MYH3: variants seen among roughly 807,000 people sequenced by gnomAD.
MYH3 encodes myosin-3.
In MYH3, 130 loss-of-function variants were observed where a neutral mutation model predicts 238.0. The observed-to-expected ratio is 0.55, with a 90% CI of 0.47 to 0.63. The LOEUF is 0.63. MYH3 is among the 30% of genes least tolerant of loss of function. The probability of loss-of-function intolerance (pLI) is 0.00; values close to 1 mark genes in which losing one functional copy is unlikely to be tolerated. For synonymous variants in MYH3, 880 were observed against 924.1 expected (o/e 0.95, Z 0.86); for missense variants, 1,853 against 2,374.9 (o/e 0.78, Z 4.57).
upstream of MYH3, chr17:10,658,590 A>G (rs1046636331): frequency 6.6e-6 from 1 of 152,262 alleles, no homozygotes; most frequent in African/African-American, 2.4e-5. Flanking sequence ...CTACAGACGC[A>G]TTTACAAAAT....
intron 17 of MYH3, among the ~76,000 whole-genome samples, chr17:10,641,612 T>A (rs2142402841): frequency 6.6e-6 from 1 of 151,426 alleles, no homozygotes; most frequent in East Asian, 1.9e-4. Flanking sequence ...CCTCCTAGGT[T>A]CAAGCAATTC....
the MYH3 span, among the ~76,000 whole-genome samples, chr17:10,666,419 A>AAAAAAAAAAAACAT: frequency 1.1e-4 from 15 of 136,700 alleles, no homozygotes; most frequent in Non-Finnish European, 2.1e-4. Flanking sequence ...GTCTCTACAA[A>AAAAAAAAAAAACAT]AAAAAACCAG....
chr17:10,651,689 A>C (rs2074376410), intron 4 of MYH3, 21 bp from the exon 5 acceptor site: 1 of 1,611,908 alleles, frequency 6.2e-7, no homozygotes, highest in South Asian at 1.1e-5. Context: ...AAAAACATAT[A>C]CGTGCGTATA....
Position 10,641,150 on chromosome 17 carries a change from C to T in MYH3, c.2100G>A (p.Leu700=), listed in dbSNP as rs774500151. The change falls in exon 19 of 41, where the codon CTG becomes CTA. Residue 700 remains leucine (L), a synonymous_variant. Coordinates refer to ENST00000583535, the MANE Select transcript of MYH3 (RefSeq NM_002470.4). ...VLHQLRCNGV[L]EGIRICRKGF... Reference sequence around the variant, plus strand: ...CTTTCCTGCAGATGCGGATGCCCTCCAGGACACCGTTACACCGCAGCTGGT... The same window carrying T: ...CTTTCCTGCAGATGCGGATGCCCTCTAGGACACCGTTACACCGCAGCTGGT... 8.1e-6 allele frequency: 13 copies of T among 1,613,904 alleles called. No homozygotes were observed. In the Admixed American group the frequency reaches 1.8e-4, roughly 23 times the overall value.
the MYH3 span, chr17:10,677,982 G>C: frequency 6.6e-6 from 1 of 152,362 alleles, no homozygotes; most frequent in Admixed American, 6.5e-5. Flanking sequence ...GGGTGTGGTG[G>C]CACATGCTTG....
chr17:10,649,715 G>C (rs1358817079), intron 6 of MYH3, 30 bp from the exon 7 acceptor site: 2 of 1,602,594 alleles, frequency 1.2e-6, no homozygotes, highest in Admixed American at 1.7e-5. Flanking sequence ...GAGAGAGAAA[G>C]AAACAAGTCT....
chr17:10,641,252 G>A (rs774482001), intron 18 of MYH3, 33 bp downstream of exon 18: 6 of 1,610,172 alleles, frequency 3.7e-6, no homozygotes, highest in Middle Eastern at 3.3e-4. Flanking sequence ...CTTAAAAACT[G>A]AGCACCACCT....
At position 10,634,135 on chromosome 17, in the gene MYH3, C is replaced by A; in HGVS notation, c.4404G>T (p.Leu1468=). 6.2e-7 allele frequency: 1 copy of A among 1,614,224 alleles called. No homozygotes were observed. Residue 1468 remains leucine (L), a synonymous_variant, in exon 32 of 41, where the codon CTG becomes CTT. Coordinates refer to ENST00000583535, the MANE Select transcript of MYH3 (RefSeq NM_002470.4). Reference sequence around the variant, plus strand: ...AGCGGGACTCCTTCAGGGATGCCTCCAGCTCTGCTTGGCTCTCCTCACACT... The same window carrying A: ...AGCGGGACTCCTTCAGGGATGCCTCAAGCTCTGCTTGGCTCTCCTCACACT... The part of the protein sequence containing the change: ...KTKCEESQAE[L]EASLKESRSL...
At chr17:10,648,784 TC>T (rs1399237609) in intron 7 of MYH3, 135 bp from the exon 8 acceptor site, 3 of 749,504 alleles carry the variant, frequency 4.0e-6, no homozygotes, top group Non-Finnish European at 7.1e-6. Context: ...CATGTGATTC[TC>T]CTGCCTCAGC....
chr17:10,664,650 G>A, the MYH3 span, among the ~76,000 whole-genome samples: 1 of 149,586 alleles, frequency 6.7e-6, no homozygotes, highest in South Asian at 2.1e-4. Context: ...GACTCAAGAT[G>A]AGAGTCAGGT....
chr17:10,647,322 T>C (rs778250701), intron 9 of MYH3, 41 bp downstream of exon 9: 2 of 1,613,732 alleles, frequency 1.2e-6, no homozygotes, highest in Non-Finnish European at 1.7e-6. Flanking sequence ...CTGTTCCCAG[T>C]TAACTCTGAG....
At chr17:10,633,550 C>T (rs1392270280) in intron 33 of MYH3, 41 bp downstream of exon 33, 3 of 1,609,794 alleles carry the variant, frequency 1.9e-6, no homozygotes, top group Non-Finnish European at 2.5e-6. Context: ...CGTGGCTCAC[C>T]ATGGCTGCAT....
In MYH3 at chr17:10,631,875, G is replaced by C; in HGVS notation, c.5098C>G (p.Arg1700Gly). 1 of 1,614,052 alleles carries C rather than the reference G, an allele frequency of 6.2e-7. No homozygotes were observed. The highest frequency in any genetic ancestry group is 8.5e-7 in the Non-Finnish European group (1 of 1,180,022). ...RATLEQTERA[R>G]KLAEQELLDS... ...AGGAGCTCCTGTTCCGCCAGTTTCCGGGCCCTCTCCGTCTGCTCCAGAGTA... is the reference window on the plus strand; with the variant it reads ...AGGAGCTCCTGTTCCGCCAGTTTCCCGGCCCTCTCCGTCTGCTCCAGAGTA... The change falls in exon 35 of 41, where the codon CGG becomes GGG. Residue 1700 changes from arginine (R) to glycine (G), a missense_variant. Arg to Gly is a moderately radical substitution (Grantham distance 125, BLOSUM62 -2). This residue lies in a region of MYH3 where 1,044 missense variants were observed against 1,192.6 expected (regional missense o/e 0.88). Transcript: ENST00000583535.
intron 28 of MYH3, among the ~76,000 whole-genome samples, chr17:10,637,157 T>C (rs941959435): frequency 1.3e-5 from 2 of 151,454 alleles, no homozygotes; most frequent in African/African-American, 4.9e-5. Context: ...CCTCCTGGGT[T>C]CAAGCGATTC....
chr17:10,638,275 T>C lies in MYH3; in HGVS notation c.3497A>G (p.Lys1166Arg). Residue 1166 changes from lysine (K) to arginine (R), a missense_variant, in exon 27 of 41, where the codon AAG becomes AGG. Lys to Arg is a conservative substitution (Grantham distance 26). Transcript: ENST00000583535. ...GVTSTQIELN[K>R]KREAEFLKLR... ...CTTCAGGAACTCCGCCTCCCGCTTC[T>C]TGTTGAGCTCTATCTGCGTGGAGGT... 1 of 1,613,834 alleles carries C rather than the reference T, an allele frequency of 6.2e-7. No homozygotes were observed. Among genetic ancestry groups the C allele is most frequent in the Non-Finnish European group, 8.5e-7 (1 of 1,180,010 alleles).
Position 10,654,736 on chromosome 17 carries a change from T to A in MYH3, c.204+125A>T. 1.1e-6 allele frequency: 1 copy of A among 903,834 alleles called. No individual in the cohort carries two copies. Among genetic ancestry groups the A allele is most frequent in the Non-Finnish European group, 1.9e-6 (1 of 535,516 alleles). The allele number at this position is 903,834 out of a possible 1,614,324, so 56.0% of individuals were successfully genotyped here. A position where few individuals can be genotyped will look rare whatever the true frequency, so the allele number is the denominator to read the frequency against. The stretch of plus-strand genomic sequence containing the variant: ...GATACCTGGGAAGCCCCAGGCTACA[T>A]TGTATGCGGCATTCCAGTGCTGGAA... On this transcript the variant is annotated intron_variant, in intron 3 of 40. Coordinates refer to ENST00000583535, the MANE Select transcript of MYH3 (RefSeq NM_002470.4). This position sits in a 1 kb window ranked among gnomAD's most constrained non-coding sequence, Gnocchi z 4.5.
At chr17:10,653,284 C>T (rs948804628) in intron 3 of MYH3, among the ~76,000 whole-genome samples, 4 of 152,098 alleles carry the variant, frequency 2.6e-5, no homozygotes, top group African/African-American at 7.2e-5. Context: ...GAGAAAATGA[C>T]GCATATGTCC....
At chr17:10,647,883 CCTT>C (rs779300380) in intron 8 of MYH3, among the ~76,000 whole-genome samples, 37 of 146,704 alleles carry the variant, frequency 2.5e-4, no homozygotes, top group Non-Finnish European at 3.5e-4. Context: ...TCCTCTTCTC[CCTT>C]CTTCTTCTTC....
intron 14 of MYH3, among the ~76,000 whole-genome samples, chr17:10,643,857 C>A (rs2074295623): frequency 6.6e-6 from 1 of 152,106 alleles, no homozygotes; most frequent in Non-Finnish European, 1.5e-5. Flanking sequence ...ATCTTCTCCT[C>A]TTTTAAAATA....
Sources: gnomAD v4.1 joint callset for allele counts (sites outside exome capture counted in the v4.1 genomes callset) on GRCh38, gnomAD v4.1.1 for gene constraint, gnomAD v4.1.1 regional missense constraint, Gnocchi (gnomAD v3.1) non-coding constraint, MANE v1.5 for transcripts, NCBI Gene and HGNC (gene_info 2026-07-23, HGNC 2026-07-21) for gene names.